PTGES3: variants seen among roughly 807,000 people sequenced by gnomAD.
The protein encoded by PTGES3 is prostaglandin E synthase 3.
A neutral mutation model predicts 29.9 loss-of-function variants in PTGES3; 5 were observed. The observed-to-expected ratio is 0.17, with a 90% CI of 0.09 to 0.35. The LOEUF is 0.35. Ranked by LOEUF, PTGES3 falls within the 10% of genes least tolerant of loss-of-function variation. PTGES3 has a pLI of 1.00. For missense variants in PTGES3, 128 were observed against 190.0 expected, an observed-to-expected ratio of 0.67 and a Z score of 1.92; for synonymous variants, 49 against 57.8, an observed-to-expected ratio of 0.85 and a Z score of 0.69.
intron 1 of PTGES3, among the ~76,000 whole-genome samples, chr12:56,674,619 G>C (rs567170314): frequency 8.6e-5 from 13 of 151,930 alleles, no homozygotes; most frequent in Non-Finnish European, 1.6e-4. Flanking sequence ...AATGTCAGGA[G>C]ATTGAGACCA....
At chr12:56,672,561 T>C (rs952702045) in intron 3 of PTGES3, among the ~76,000 whole-genome samples, 179 bp downstream of exon 3, 9 of 152,130 alleles carry the variant, frequency 5.9e-5, no homozygotes, top group African/African-American at 1.9e-4. Flanking sequence ...CAAACAGTGA[T>C]AGCAAAAACA....
chr12:56,686,052 G>C (rs1033136307), intron 1 of PTGES3, among the ~76,000 whole-genome samples: 1 of 152,168 alleles, frequency 6.6e-6, no homozygotes, highest in East Asian at 1.9e-4. Context: ...GGGATTACAG[G>C]CGTGAGCCAC....
chr12:56,687,224 A>T (rs969153226), intron 1 of PTGES3: 12 of 1,035,328 alleles, frequency 1.2e-5, no homozygotes, highest in Non-Finnish European at 1.4e-5. Flanking sequence ...TTCATCCTAC[A>T]CTGTAACAAG....
rs762875170 is a variant in PTGES3, at chr12:56,670,385, C to T, written c.286-21G>A. ...TTAAGCTATAAATCAATACAAATAT[C>T]ACCCTAAGATTAGGCTAATTTGCAT... On this transcript the variant is annotated intron_variant, in intron 4 of 7. Transcript: ENST00000262033. 9 of 1,543,310 alleles carry T rather than the reference C, an allele frequency of 5.8e-6. No homozygotes were observed. In the Admixed American group the frequency reaches 1.3e-4, roughly 23 times the overall value.
At chr12:56,664,913 T>C (rs1951731167) in intron 6 of PTGES3, 113 bp from the exon 7 acceptor site, 4 of 1,476,240 alleles carry the variant, frequency 2.7e-6, no homozygotes. Flanking sequence ...CACAGGTAGG[T>C]AGTCATATCA....
intron 1 of PTGES3, among the ~76,000 whole-genome samples, chr12:56,676,040 A>G (rs1952224529): frequency 6.6e-6 from 1 of 151,746 alleles, no homozygotes; most frequent in South Asian, 2.1e-4. Context: ...CAGTCTGACC[A>G]ACGTGGAGAA....
chr12:56,681,362 C>A (rs910273378), intron 1 of PTGES3, among the ~76,000 whole-genome samples: 1 of 150,618 alleles, frequency 6.6e-6, no homozygotes, highest in Non-Finnish European at 1.5e-5. Context: ...CAGAGTGAAA[C>A]CCCGTCTCTA....
chr12:56,687,607 G>T (rs967943060), intron 1 of PTGES3: 3 of 1,090,442 alleles, frequency 2.8e-6, no homozygotes, highest in Non-Finnish European at 3.4e-6. Flanking sequence ...GGACCACAAA[G>T]CAACAGAACC....
chr12:56,670,474 C>T, intron 4 of PTGES3, 110 bp from the exon 5 acceptor site: 1 of 772,456 alleles, frequency 1.3e-6, no homozygotes, highest in Admixed American at 2.1e-5. Context: ...GCTATGTTGC[C>T]CAGGCTGGAG....
chr12:56,687,861 A>G (rs1592295145), intron 1 of PTGES3, 137 bp downstream of exon 1: 2 of 1,537,758 alleles, frequency 1.3e-6, no homozygotes, highest in Non-Finnish European at 1.7e-6. Flanking sequence ...CGGAACAAGG[A>G]TCCTGGACCT....
chr12:56,665,820 G>A, intron 6 of PTGES3: 6 of 731,772 alleles, frequency 8.2e-6, no homozygotes, highest in African/African-American at 1.9e-5. Context: ...TTTTAAGACA[G>A]GGTTTCACCA....
intron 1 of PTGES3, among the ~76,000 whole-genome samples, chr12:56,682,125 G>A (rs1026796196): frequency 5.9e-5 from 9 of 152,116 alleles, no homozygotes; most frequent in African/African-American, 2.2e-4. Flanking sequence ...GGGATTACAT[G>A]TGTGAGCCAC....
intron 1 of PTGES3, among the ~76,000 whole-genome samples, chr12:56,681,537 C>CAAAAAA (rs34581651): frequency 1.2e-3 from 32 of 25,678 alleles, no homozygotes; most frequent in Non-Finnish European, 1.6e-3. Flanking sequence ...GACTCCATCT[C>CAAAAAA]AAAAAAAAAA....
chr12:56,686,372 AAATT>A (rs1952851956), intron 1 of PTGES3, among the ~76,000 whole-genome samples: 1 of 90,166 alleles, frequency 1.1e-5, no homozygotes, highest in South Asian at 5.0e-4. Context: ...ATATACATTC[AAATT>A]TATTTATTTA....
At chr12:56,677,206 T>C (rs1037356971) in intron 1 of PTGES3, among the ~76,000 whole-genome samples, 8 of 150,432 alleles carry the variant, frequency 5.3e-5, no homozygotes, top group African/African-American at 2.0e-4. Context: ...GCCACTGCAC[T>C]CTAGCCTGGG....
intron 5 of PTGES3, among the ~76,000 whole-genome samples, chr12:56,670,026 T>C (rs114727177): frequency 6.6e-5 from 10 of 152,174 alleles, no homozygotes; most frequent in African/African-American, 2.2e-4. Context: ...CTGTGTTAGT[T>C]TGTCTTAATG....
At chr12:56,685,266 G>A (rs940459398) in intron 1 of PTGES3, among the ~76,000 whole-genome samples, 6 of 152,076 alleles carry the variant, frequency 3.9e-5, no homozygotes, top group Non-Finnish European at 8.8e-5. Context: ...AGTCCCTGAA[G>A]AATTTACTAA....
chr12:56,683,671 A>C (rs1470813406), intron 1 of PTGES3, among the ~76,000 whole-genome samples: 2 of 148,582 alleles, frequency 1.3e-5, no homozygotes, highest in African/African-American at 5.0e-5. Context: ...CAAAAACCAA[A>C]ACTATGGGCC....
At chr12:56,685,766 CTTACTT>C (rs1471100675) in intron 1 of PTGES3, among the ~76,000 whole-genome samples, 2 of 115,618 alleles carry the variant, frequency 1.7e-5, no homozygotes, top group Admixed American at 1.2e-4. Context: ...TACTGCTACA[CTTACTT>C]TTTTTTTTTT....
Sources: allele counts gnomAD v4.1 joint callset (sites outside exome capture counted in the v4.1 genomes callset), GRCh38; gene constraint gnomAD v4.1.1; transcripts MANE v1.5; gene names NCBI Gene and HGNC (gene_info 2026-07-23, HGNC 2026-07-21).